The following DEFB119 variants were observed in gnomAD, a reference collection of about 807,000 sequenced individuals.
DEFB119 encodes defensin beta 119, also known as beta-defensin 119.
In DEFB119, 3 loss-of-function variants were observed where a neutral mutation model predicts 2.5. The ratio of observed to expected loss-of-function variants is 1.19; its 90% CI spans 0.54 to 3.07. The LOEUF is 3.07. DEFB119 is among the 30% of genes most tolerant of loss of function. The probability of loss-of-function intolerance (pLI) is 0.03; values close to 1 mark genes in which losing one functional copy is unlikely to be tolerated. For missense variants in DEFB119, 113 were observed against 101.1 expected (o/e 1.12, Z -0.50); for synonymous variants, 29 against 33.7 (o/e 0.86, Z 0.48).
At chr20:31,380,544 G>C (rs1986469080) in intron 1 of DEFB119, among the ~76,000 whole-genome samples, 1 of 152,172 alleles carries the variant, frequency 6.6e-6, no homozygotes, top group Non-Finnish European at 1.5e-5. Flanking sequence ...GGGATTACAG[G>C]TGTGAGCCAC....
intron 1 of DEFB119, chr20:31,388,930 T>C (rs902851368): frequency 1.5e-5 from 22 of 1,480,156 alleles, no homozygotes; most frequent in African/African-American, 2.8e-5. Flanking sequence ...CTCAATCCAT[T>C]TGAAGTATCA....
intron 1 of DEFB119, chr20:31,378,507 C>G: frequency 1.3e-6 from 2 of 1,485,468 alleles, no homozygotes; most frequent in African/African-American, 2.8e-5. Flanking sequence ...TACTGAGAAC[C>G]AGGAAAATCT....
At chr20:31,383,795 A>G (rs1263606325) in intron 1 of DEFB119, among the ~76,000 whole-genome samples, 5 of 151,954 alleles carry the variant, frequency 3.3e-5, no homozygotes, top group African/African-American at 9.7e-5. Flanking sequence ...GTGAGCCGAG[A>G]TCCCACCACT....
At chr20:31,389,182 TCAC>T in intron 1 of DEFB119, 1 of 1,614,184 alleles carries the variant, frequency 6.2e-7, no homozygotes, top group African/African-American at 1.3e-5. Context: ...GATGCTGTCT[TCAC>T]CATCTTTGCA....
chr20:31,390,163 C>T (rs1229953621), intron 1 of DEFB119, among the ~76,000 whole-genome samples: 1 of 152,082 alleles, frequency 6.6e-6, no homozygotes, highest in Non-Finnish European at 1.5e-5. Context: ...TGCACCCACG[C>T]TTTGCCCCTC....
intron 1 of DEFB119, chr20:31,389,327 A>G: frequency 6.5e-7 from 1 of 1,539,660 alleles, no homozygotes; most frequent in Non-Finnish European, 8.9e-7. Flanking sequence ...AGGGAAGAAG[A>G]GAAGAAAGCC....
At chr20:31,389,464 T>C (rs1057363388) in intron 1 of DEFB119, among the ~76,000 whole-genome samples, 2 of 152,100 alleles carry the variant, frequency 1.3e-5, no homozygotes, top group Admixed American at 6.6e-5. Flanking sequence ...TTTGGACTTC[T>C]CACCCTTCTG....
intron 1 of DEFB119, among the ~76,000 whole-genome samples, chr20:31,382,702 C>T (rs1986544299): frequency 6.6e-6 from 1 of 152,202 alleles, no homozygotes; most frequent in East Asian, 1.9e-4. Flanking sequence ...ACCAGATCCA[C>T]TCATGCTTTC....
rs924224692 is a variant in DEFB119, at chr20:31,388,043, C to A, written c.61+2380G>T. 3 of 985,272 alleles carry A rather than the reference C, an allele frequency of 3.0e-6. No individual in the cohort carries two copies. In the African/African-American group the frequency reaches 5.2e-5, roughly 17 times the overall value. 61.0% of individuals were successfully genotyped at this position (985,272 alleles called of 1,614,324 possible). A position where few individuals can be genotyped will look rare whatever the true frequency, so the allele number is the denominator to read the frequency against. On this transcript the variant is annotated intron_variant, in intron 1 of 1. Coordinates refer to ENST00000376321, the MANE Select transcript of DEFB119 (RefSeq NM_153289.4). Reference sequence around the variant, plus strand: ...GTCCCTGGCCTCACTGCAGAGGACGCAGTTCAGGGTGAAAAACTAACTGTG... The same window carrying A: ...GTCCCTGGCCTCACTGCAGAGGACGAAGTTCAGGGTGAAAAACTAACTGTG...
rs569006195 is a variant in DEFB119, at chr20:31,378,227, C to A, written c.62-788G>T. ...TAGTGCAGAGTCAAGACTTTCACCA[C>A]CACACAGTAGTAACAGGGCCACCAC... On this transcript the variant is annotated intron_variant, in intron 1 of 1. Coordinates refer to ENST00000376321, the MANE Select transcript of DEFB119 (RefSeq NM_153289.4). 29 of 1,456,988 alleles carry A rather than the reference C, an allele frequency of 2.0e-5. No homozygotes were observed. In the African/African-American group the frequency reaches 3.8e-4, roughly 19 times the overall value. The allele number at this position is 1,456,988 out of a possible 1,614,324, so 90.3% of individuals were successfully genotyped here. A position where few individuals can be genotyped will look rare whatever the true frequency, so the allele number is the denominator to read the frequency against.
chr20:31,377,268 T>G lies in DEFB119; in HGVS notation c.233A>C (p.Lys78Thr), dbSNP rs1239886056. The G allele has an allele frequency of 6.2e-7, 1 of 1,613,290 alleles. No homozygotes were observed. Among genetic ancestry groups the G allele is most frequent in the African/African-American group, 1.3e-5 (1 of 74,906 alleles). ...CACTCAAGGTAGTCTTGGCCACTGC[T>G]TCTCATAAGACCAGTCGGTATTTTC... Reference protein sequence around the residue: ...KEENTDWSYEKQWPRLP With the variant: ...KEENTDWSYETQWPRLP Residue 78 changes from lysine (K) to threonine (T), a missense_variant, in exon 2 of 2, where the codon AAG becomes ACG. By Grantham distance (78) the Lys-to-Thr change is moderately conservative. Coordinates refer to ENST00000376321, the MANE Select transcript of DEFB119 (RefSeq NM_153289.4).
chr20:31,377,440 C>A lies in DEFB119; in HGVS notation c.62-1G>T. On this transcript the variant is annotated splice_acceptor_variant, in intron 1 of 1. Transcript: ENST00000376321. LOFTEE classifies it high-confidence loss of function. The stretch of plus-strand genomic sequence containing the variant: ...ATGCATCGAAGGATGTGGCGTTTGC[C>A]TGCCAAAGGAAAAAAAATACAAATA... The A allele has an allele frequency of 1.2e-6, 2 of 1,605,896 alleles. No homozygotes were observed. Among genetic ancestry groups the A allele is most frequent in the Non-Finnish European group, 1.7e-6 (2 of 1,176,600 alleles).
chr20:31,379,469 A>T (rs1352172627), intron 1 of DEFB119, among the ~76,000 whole-genome samples: 2 of 150,416 alleles, frequency 1.3e-5, no homozygotes, highest in Non-Finnish European at 3.0e-5. Context: ...TCTTTTGTCC[A>T]TTTCTAATTG....
intron 1 of DEFB119, chr20:31,389,373 A>AAGAGAGAAGAGACCTTG: frequency 9.3e-7 from 1 of 1,070,948 alleles, no homozygotes; most frequent in Non-Finnish European, 1.3e-6. Context: ...GTCCCAGGAA[A>AAGAGAGAAGAGACCTTG]AGAGAGAAGA....
At chr20:31,386,639 G>T (rs1357909036) in intron 1 of DEFB119, among the ~76,000 whole-genome samples, 1 of 152,088 alleles carries the variant, frequency 6.6e-6, no homozygotes, top group Non-Finnish European at 1.5e-5. Flanking sequence ...GTAAAATAGA[G>T]TTTATCAGAG....
chr20:31,389,316 C>G, intron 1 of DEFB119: 4 of 1,581,668 alleles, frequency 2.5e-6, no homozygotes, highest in South Asian at 1.1e-5. Flanking sequence ...AACAGGAGGA[C>G]AGGGAAGAAG....
At chr20:31,378,506 C>T in intron 1 of DEFB119, 1 of 1,486,428 alleles carries the variant, frequency 6.7e-7, no homozygotes, top group Non-Finnish European at 9.1e-7. Context: ...ATACTGAGAA[C>T]CAGGAAAATC....
At chr20:31,390,175 A>G (rs1986878165) in intron 1 of DEFB119, among the ~76,000 whole-genome samples, 1 of 151,692 alleles carries the variant, frequency 6.6e-6, no homozygotes, top group Admixed American at 6.6e-5. Flanking sequence ...TTGCCCCTCA[A>G]ACCTCTCCCA....
rs1224757751 is a variant in DEFB119 at position 31,389,044 on chromosome 20, G to A, written c.61+1379C>T. ...TCATTTCTATCTATTAGTTATATTT[G>A]TCTTCATTTTTGGAGCTGTTGTGGA... On this transcript the variant is annotated intron_variant, in intron 1 of 1. Transcript: ENST00000376321. 1.2e-6 allele frequency: 2 copies of A among 1,614,004 alleles called. No homozygotes were observed. Among genetic ancestry groups the A allele is most frequent in the Non-Finnish European group, 8.5e-7 (1 of 1,179,998 alleles).
Sources: gnomAD v4.1 joint callset for allele counts (sites outside exome capture counted in the v4.1 genomes callset) on GRCh38, gnomAD v4.1.1 for gene constraint, MANE v1.5 for transcripts, NCBI Gene and HGNC (gene_info 2026-07-23, HGNC 2026-07-21) for gene names.